LINGO2: variants seen among roughly 807,000 people sequenced by gnomAD.
LINGO2 encodes the protein leucine-rich repeat and immunoglobulin-like domain-containing nogo receptor-interacting protein 2.
LINGO2 carries 14 observed loss-of-function variants against 30.6 expected under a neutral mutation model. That is an observed-to-expected ratio of 0.46 (90% CI 0.30 to 0.72). LINGO2 has a LOEUF of 0.72. LINGO2 is among the 30% of genes least tolerant of loss of function. The pLI is 0.07. For missense variants in LINGO2, 729 were observed against 751.7 expected, an observed-to-expected ratio of 0.97 and a Z score of 0.35; for synonymous variants, 317 against 288.5, an observed-to-expected ratio of 1.10 and a Z score of -1.00.
chr9:28,601,368 G>A (rs964024929), intron 1 of LINGO2, among the ~76,000 whole-genome samples: 6 of 152,026 alleles, frequency 3.9e-5, no homozygotes, highest in Non-Finnish European at 5.9e-5. Flanking sequence ...CCAGGTGCCC[G>A]CAAATCCTGA....
At chr9:27,998,950 A>G (rs771194533) in intron 5 of LINGO2, among the ~76,000 whole-genome samples, 1 of 152,156 alleles carries the variant, frequency 6.6e-6, no homozygotes, top group Non-Finnish European at 1.5e-5. Flanking sequence ...TTAAGTACCT[A>G]GGGTTCTACA....
intron 2 of LINGO2, among the ~76,000 whole-genome samples, chr9:28,456,081 C>G (rs146725606): frequency 6.6e-6 from 1 of 152,000 alleles, no homozygotes; most frequent in East Asian, 1.9e-4. Flanking sequence ...ATTTTTTAAC[C>G]TGTTATGGTT....
the LINGO2 span, among the ~76,000 whole-genome samples, chr9:29,144,090 C>G: frequency 6.6e-6 from 1 of 152,024 alleles, no homozygotes; most frequent in Non-Finnish European, 1.5e-5. Context: ...GGTGTGCAGT[C>G]TTACTTCCGG....
At chr9:29,140,851 G>A in the LINGO2 span, among the ~76,000 whole-genome samples, 2 of 151,856 alleles carry the variant, frequency 1.3e-5, no homozygotes, top group Non-Finnish European at 2.9e-5. Flanking sequence ...AACCATGGAG[G>A]CCAAAGGTAG....
chr9:28,340,091 G>C (rs973525084), intron 3 of LINGO2, among the ~76,000 whole-genome samples: 3 of 152,144 alleles, frequency 2.0e-5, no homozygotes, highest in African/African-American at 7.2e-5. Flanking sequence ...TTGCCATCAG[G>C]AGGAATAGAA....
chr9:27,998,450 G>C (rs1587650412), intron 5 of LINGO2, among the ~76,000 whole-genome samples: 1 of 152,164 alleles, frequency 6.6e-6, no homozygotes, highest in Non-Finnish European at 1.5e-5. Flanking sequence ...GCCCTCAGAT[G>C]ATTCCAGTCT....
chr9:28,166,132 T>C (rs1410806597), intron 4 of LINGO2, among the ~76,000 whole-genome samples: 3 of 152,312 alleles, frequency 2.0e-5, no homozygotes, highest in East Asian at 1.9e-4. Flanking sequence ...AGTACCTGTA[T>C]AGGCAAAACA....
At chr9:28,667,339 C>G (rs1828842823) in intron 1 of LINGO2, among the ~76,000 whole-genome samples, 1 of 152,140 alleles carries the variant, frequency 6.6e-6, no homozygotes, top group Non-Finnish European at 1.5e-5. Flanking sequence ...GCTATAAAAT[C>G]TAATCTCCTT....
chr9:28,105,513 A>G (rs1196402767), intron 4 of LINGO2, among the ~76,000 whole-genome samples: 3 of 152,182 alleles, frequency 2.0e-5, no homozygotes, highest in Non-Finnish European at 4.4e-5. Context: ...AGAAAATTCA[A>G]TAAGGTGATT....
the LINGO2 span, among the ~76,000 whole-genome samples, chr9:28,751,309 A>AAG: frequency 1.4e-5 from 2 of 148,040 alleles, no homozygotes; most frequent in African/African-American, 5.0e-5. Context: ...AAAAAAAAAA[A>AAG]GGGAAGAATT....
chr9:28,804,569 A>AC, the LINGO2 span, among the ~76,000 whole-genome samples: 48,705 of 147,126 alleles, frequency 0.33, 9,366 homozygotes, highest in Middle Eastern at 0.44. Context: ...AAAAACAAAA[A>AC]AAAAACAGAT....
intron 4 of LINGO2, among the ~76,000 whole-genome samples, chr9:28,039,138 C>T (rs1824083622): frequency 6.6e-6 from 1 of 152,122 alleles, no homozygotes; most frequent in African/African-American, 2.4e-5. Context: ...ACAATTGTTC[C>T]TCTGGCTCAC....
chr9:28,524,717 C>T (rs1210758075), intron 1 of LINGO2, among the ~76,000 whole-genome samples: 1 of 152,176 alleles, frequency 6.6e-6, no homozygotes, highest in Non-Finnish European at 1.5e-5. Flanking sequence ...CACGCCATTG[C>T]ACTTTAGCCT....
At chr9:28,216,015 T>C (rs1820754735) in intron 4 of LINGO2, among the ~76,000 whole-genome samples, 2 of 151,840 alleles carry the variant, frequency 1.3e-5, no homozygotes, top group African/African-American at 4.8e-5. Flanking sequence ...CATCTTTTGC[T>C]CTTTTGGCAC....
chr9:28,571,592 T>C (rs1435157128), intron 1 of LINGO2, among the ~76,000 whole-genome samples: 6 of 152,102 alleles, frequency 3.9e-5, no homozygotes, highest in Non-Finnish European at 8.8e-5. Flanking sequence ...AACTTGCATA[T>C]GATTATGCAG....
At chr9:28,848,856 T>C in the LINGO2 span, among the ~76,000 whole-genome samples, 1 of 151,922 alleles carries the variant, frequency 6.6e-6, no homozygotes, top group Non-Finnish European at 1.5e-5. Context: ...TTCTATGATG[T>C]GATTGTTTAT....
chr9:28,755,779 G>A, the LINGO2 span, among the ~76,000 whole-genome samples: 298 of 152,122 alleles, frequency 2.0e-3, 3 homozygotes, highest in South Asian at 8.9e-3. Context: ...GTTCTTAAAT[G>A]TTTGCTCCGT....
intron 5 of LINGO2, among the ~76,000 whole-genome samples, chr9:27,967,767 C>G (rs577783730): frequency 6.6e-6 from 1 of 152,238 alleles, no homozygotes; most frequent in East Asian, 1.9e-4. Flanking sequence ...AGGTTTAACT[C>G]TGACCTTTGT....
chr9:28,376,117 A>C (rs1821120820), intron 2 of LINGO2, among the ~76,000 whole-genome samples: 1 of 151,406 alleles, frequency 6.6e-6, no homozygotes, highest in African/African-American at 2.4e-5. Context: ...TAAACGGACA[A>C]GTGCAGCAGC....
Sources: gnomAD v4.1 joint callset for allele counts (sites outside exome capture counted in the v4.1 genomes callset) on GRCh38, gnomAD v4.1.1 for gene constraint, MANE v1.5 for transcripts, NCBI Gene and HGNC (gene_info 2026-07-23, HGNC 2026-07-21) for gene names.